MID1: variants seen among roughly 807,000 people sequenced by gnomAD.
MID1 encodes the protein E3 ubiquitin-protein ligase Midline-1.
A neutral mutation model predicts 40.4 loss-of-function variants in MID1; 7 were observed. The ratio of observed to expected loss-of-function variants is 0.17; its 90% CI spans 0.10 to 0.33. The LOEUF (loss-of-function observed/expected upper bound fraction) is 0.33, where lower values mean the gene tolerates loss of function less well. Ranked by LOEUF, MID1 falls within the 10% of genes least tolerant of loss-of-function variation. The pLI, the probability that MID1 is intolerant of heterozygous loss-of-function variation, is 1.00. For missense variants in MID1, 367 were observed against 558.5 expected (o/e 0.66, Z 3.46); for synonymous variants, 229 against 221.2 (o/e 1.04, Z -0.31).
chrX:10,495,783 CT>C, intron 3 of MID1, 92 bp from the exon 4 acceptor site: 1 of 630,620 alleles, frequency 1.6e-6, no homozygotes, highest in Non-Finnish European at 2.6e-6. Context: ...TTCTAGTAAT[CT>C]CTGAAAAGAT....
At chrX:10,551,744 A>G in intron 2 of MID1, among the ~76,000 whole-genome samples, 1 of 111,832 alleles carries the variant, frequency 8.9e-6, no homozygotes, top group Middle Eastern at 4.6e-3. Flanking sequence ...TTGAAACACT[A>G]TTGGGGAGGG....
At chrX:10,746,794 G>GTAT (rs979914535) in intron 1 of MID1, among the ~76,000 whole-genome samples, 1 of 108,075 alleles carries the variant, frequency 9.3e-6, no homozygotes, top group South Asian at 3.9e-4. Flanking sequence ...TAATAAGTAA[G>GTAT]TATTATTATT....
intron 2 of MID1, among the ~76,000 whole-genome samples, chrX:10,536,053 C>CAA (rs35748627): frequency 1.1e-5 from 1 of 92,342 alleles, no homozygotes; most frequent in Admixed American, 1.2e-4. Flanking sequence ...GACCCTGTCT[C>CAA]AAAAAAAAAA....
chrX:10,594,068 C>G (rs1054232286), intron 1 of MID1, among the ~76,000 whole-genome samples: 36 of 110,535 alleles, frequency 3.3e-4, no homozygotes, highest in African/African-American at 1.2e-3. Context: ...GTGTTTGTGC[C>G]GATGACTATT....
chrX:10,557,261 C>T (rs1004594505), intron 2 of MID1, among the ~76,000 whole-genome samples: 1 of 111,987 alleles, frequency 8.9e-6, no homozygotes, highest in South Asian at 3.7e-4. Flanking sequence ...AAAGCCACAT[C>T]TCTGCAATAA....
At chrX:10,666,503 A>C (rs2042952448) in intron 1 of MID1, among the ~76,000 whole-genome samples, 1 of 111,661 alleles carries the variant, frequency 9.0e-6, no homozygotes, top group Non-Finnish European at 1.9e-5. Flanking sequence ...GAATAAGTGA[A>C]ACTAGCCAGC....
chrX:10,832,985 C>T (rs1022125042), intron 1 of MID1, among the ~76,000 whole-genome samples: 10 of 112,498 alleles, frequency 8.9e-5, no homozygotes, highest in Non-Finnish European at 1.9e-4. Context: ...AACGCAAGAG[C>T]GAGTTTCTTT....
intron 1 of MID1, among the ~76,000 whole-genome samples, chrX:10,776,590 G>A (rs746711784): frequency 8.1e-5 from 9 of 111,010 alleles, no homozygotes; most frequent in Non-Finnish European, 1.7e-4. Flanking sequence ...AAGAGGTCAG[G>A]TGTGGTGGCT....
At chrX:10,652,896 C>T (rs1027511544) in intron 1 of MID1, among the ~76,000 whole-genome samples, 2 of 112,138 alleles carry the variant, frequency 1.8e-5, no homozygotes, top group East Asian at 2.8e-4. Context: ...ACACCTTACA[C>T]GAAAGGGTAA....
At chrX:10,801,345 A>C (rs991546038) in intron 1 of MID1, among the ~76,000 whole-genome samples, 1 of 111,955 alleles carries the variant, frequency 8.9e-6, no homozygotes, top group Admixed American at 9.5e-5. Flanking sequence ...ACAGCTTTAA[A>C]CTTCATAAAC....
intron 1 of MID1, among the ~76,000 whole-genome samples, chrX:10,633,106 C>T (rs748351693): frequency 2.1e-4 from 23 of 111,797 alleles, no homozygotes; most frequent in Non-Finnish European, 3.8e-4. Context: ...GAGCTAAAGT[C>T]AAATGAAAAT....
At chrX:10,579,675 C>T (rs1467040816) in intron 1 of MID1, among the ~76,000 whole-genome samples, 1 of 111,739 alleles carries the variant, frequency 8.9e-6, no homozygotes, top group Non-Finnish European at 1.9e-5. Flanking sequence ...AAGCTACCTC[C>T]TGATCTTAAA....
intron 8 of MID1, among the ~76,000 whole-genome samples, chrX:10,455,398 C>T (rs12856954): frequency 9.0e-6 from 1 of 111,649 alleles, no homozygotes; most frequent in African/African-American, 3.3e-5. Flanking sequence ...TCTACCAGTT[C>T]TAAGATAGGG....
chrX:10,512,984 T>C (rs1401622592), intron 3 of MID1, among the ~76,000 whole-genome samples: 1 of 112,262 alleles, frequency 8.9e-6, no homozygotes, highest in African/African-American at 3.2e-5. Flanking sequence ...CATATTTCTA[T>C]TTCAAACAAA....
intron 3 of MID1, chrX:10,505,853 T>A (rs1931802368): frequency 1.3e-6 from 1 of 752,875 alleles, no homozygotes; most frequent in Non-Finnish European, 1.6e-6. Context: ...AAAAGTGATG[T>A]ACTGGAAAAA....
chrX:10,473,054 A>G, intron 6 of MID1, among the ~76,000 whole-genome samples: 1 of 112,956 alleles, frequency 8.9e-6, no homozygotes, highest in South Asian at 3.7e-4. Flanking sequence ...CTAGACCTGC[A>G]CTGTTCAATA....
chrX:10,595,346 TG>T (rs1220984739), intron 1 of MID1, among the ~76,000 whole-genome samples: 1 of 111,433 alleles, frequency 9.0e-6, no homozygotes, highest in African/African-American at 3.3e-5. Flanking sequence ...TATTTCTTTA[TG>T]GGGATGATTA....
chrX:10,729,116 G>C (rs916519102), intron 1 of MID1, among the ~76,000 whole-genome samples: 1 of 111,885 alleles, frequency 8.9e-6, no homozygotes, highest in Non-Finnish European at 1.9e-5. Context: ...GGGTGGCACA[G>C]ACACTTCTGT....
chrX:10,826,526 A>G lies in MID1; in HGVS notation c.-187+7028T>C, dbSNP rs753827462. Among the ~76,000 whole-genome samples, 8 of 111,994 alleles carry G rather than the reference A, an allele frequency of 7.1e-5. No individual in the cohort carries two copies. In the East Asian group the frequency reaches 2.3e-3, roughly 32 times the overall value. ...CCAATGTGAACTTTTCAAAAGACCA[A>G]TGTCATCCCTTGCTGAAAACTCCCT... On this transcript the variant is annotated intron_variant, in intron 1 of 10. Coordinates refer to the MID1 transcript ENST00000380785.
Sources: gnomAD v4.1 joint callset for allele counts (sites outside exome capture counted in the v4.1 genomes callset) on GRCh38, gnomAD v4.1.1 for gene constraint, MANE v1.5 for transcripts, NCBI Gene and HGNC (gene_info 2026-07-23, HGNC 2026-07-21) for gene names.